The following NHEJ1 variants were observed in gnomAD, a reference collection of about 807,000 sequenced individuals.
The protein encoded by NHEJ1 is non-homologous end-joining factor 1.
NHEJ1 carries 22 observed loss-of-function variants against 39.4 expected under a neutral mutation model. The observed-to-expected ratio is 0.56, with a 90% CI of 0.40 to 0.80. The LOEUF is 0.80. NHEJ1 is among the 30% of genes least tolerant of loss of function. The probability of loss-of-function intolerance (pLI) is 0.00; values close to 1 mark genes in which losing one functional copy is unlikely to be tolerated. For synonymous variants in NHEJ1, 154 were observed against 135.6 expected, an observed-to-expected ratio of 1.14 and a Z score of -0.94; for missense variants, 329 against 357.1, an observed-to-expected ratio of 0.92 and a Z score of 0.63.
chr2:219,136,534 C>T (rs952172497), intron 5 of NHEJ1, among the ~76,000 whole-genome samples: 2 of 152,056 alleles, frequency 1.3e-5, no homozygotes, highest in African/African-American at 4.8e-5. Flanking sequence ...GGTGATCCAC[C>T]CACCTCAGCC....
At chr2:219,086,119 C>T (rs1310010479) in intron 5 of NHEJ1, among the ~76,000 whole-genome samples, 2 of 152,170 alleles carry the variant, frequency 1.3e-5, no homozygotes, top group South Asian at 2.1e-4. Flanking sequence ...AGGTACTAGG[C>T]TATGCATTTT....
chr2:219,085,067 A>G (rs113369025), intron 5 of NHEJ1, among the ~76,000 whole-genome samples: 104 of 152,204 alleles, frequency 6.8e-4, no homozygotes, highest in Non-Finnish European at 1.3e-3. Context: ...AGTAATATAC[A>G]CTCAATAAGG....
intron 3 of NHEJ1, among the ~76,000 whole-genome samples, chr2:219,148,045 G>T (rs1949759690): frequency 6.6e-6 from 1 of 152,228 alleles, no homozygotes; most frequent in African/African-American, 2.4e-5. Flanking sequence ...GGTCACTTGA[G>T]GTCAGGAGTT....
At chr2:219,150,543 G>A (rs922088614) in intron 3 of NHEJ1, among the ~76,000 whole-genome samples, 2 of 152,208 alleles carry the variant, frequency 1.3e-5, no homozygotes, top group Admixed American at 6.5e-5. Context: ...CTGCTGGGCG[G>A]GCATGGTGGC....
chr2:219,088,169 A>G (rs1474034918), intron 5 of NHEJ1, among the ~76,000 whole-genome samples: 2 of 152,260 alleles, frequency 1.3e-5, no homozygotes, highest in African/African-American at 4.8e-5. Context: ...GTTTGGCAGT[A>G]TCTATTAAAT....
chr2:219,153,111 T>A (rs1266501409), intron 3 of NHEJ1, among the ~76,000 whole-genome samples: 1 of 152,156 alleles, frequency 6.6e-6, no homozygotes, highest in African/African-American at 2.4e-5. Flanking sequence ...CCCCAGCATC[T>A]CTTTTAAAAC....
At chr2:219,107,920 C>T (rs950909956) in intron 5 of NHEJ1, among the ~76,000 whole-genome samples, 1 of 151,384 alleles carries the variant, frequency 6.6e-6, no homozygotes, top group Non-Finnish European at 1.5e-5. Context: ...ACCAGATGTA[C>T]AAATGGTTAA....
intron 5 of NHEJ1, among the ~76,000 whole-genome samples, chr2:219,120,380 T>C (rs1199592054): frequency 2.0e-5 from 3 of 152,108 alleles, no homozygotes; most frequent in Non-Finnish European, 4.4e-5. Flanking sequence ...AAAGAAAATG[T>C]AAGTGAATAG....
chr2:219,142,276 A>AC (rs943852570), intron 5 of NHEJ1, among the ~76,000 whole-genome samples: 6 of 152,112 alleles, frequency 3.9e-5, no homozygotes, highest in African/African-American at 1.4e-4. Flanking sequence ...CTGCTAAGGG[A>AC]CCCCTACCAA....
chr2:219,134,290 C>G (rs1286493551), intron 5 of NHEJ1, among the ~76,000 whole-genome samples: 3 of 152,206 alleles, frequency 2.0e-5, no homozygotes, highest in African/African-American at 4.8e-5. Context: ...AACGGGATGG[C>G]CTTAGGCAAA....
At position 219,078,112 on chromosome 2, in the gene NHEJ1, A is replaced by G. The variant is rs773506015; in HGVS notation, c.683T>C (p.Val228Ala). The G allele has an allele frequency of 6.2e-7, 1 of 1,614,132 alleles. No homozygotes were observed. The highest frequency in any genetic ancestry group is 8.5e-7 in the Non-Finnish European group (1 of 1,179,962). Reference sequence around the variant, plus strand: ...ACCAGCGCCTTGATGCTTCTGTCCCACTTGGACCTCTTGTGTGGTGACTGC... The same window carrying G: ...ACCAGCGCCTTGATGCTTCTGTCCCGCTTGGACCTCTTGTGTGGTGACTGC... ...YMAVTTQEVQ[V>A]GQKHQGAGDP... Residue 228 changes from valine to alanine, a missense_variant, in exon 6 of 8, where the codon GTG (valine) becomes GCG (alanine). Val to Ala is a moderately conservative substitution (Grantham distance 64). Coordinates refer to ENST00000356853, the MANE Select transcript of NHEJ1 (RefSeq NM_024782.3).
At chr2:219,154,057 A>T (rs1197603818) in intron 3 of NHEJ1, among the ~76,000 whole-genome samples, 2 of 152,262 alleles carry the variant, frequency 1.3e-5, no homozygotes, top group African/African-American at 4.8e-5. Flanking sequence ...TACTGACAGC[A>T]GATCAATTAA....
intron 3 of NHEJ1, 30 bp downstream of exon 3, chr2:219,157,442 C>T: frequency 6.3e-7 from 1 of 1,590,998 alleles, no homozygotes; most frequent in Non-Finnish European, 8.6e-7. Flanking sequence ...TGGCATCCCT[C>T]CCCCAACCCC....
intron 3 of NHEJ1, among the ~76,000 whole-genome samples, chr2:219,156,009 G>A (rs185776218): frequency 0.021 from 3,155 of 151,736 alleles, 41 homozygotes; most frequent in Middle Eastern, 0.044. Flanking sequence ...CAGCACTTTG[G>A]GAGGCCGAGG....
intron 5 of NHEJ1, among the ~76,000 whole-genome samples, chr2:219,138,817 T>G (rs979145348): frequency 2.6e-5 from 4 of 152,290 alleles, no homozygotes; most frequent in Middle Eastern, 3.4e-3. Flanking sequence ...CAGGGTAAAC[T>G]CTATTGGGAA....
Position 219,158,312 on chromosome 2 carries a change from C to T in NHEJ1, c.51G>A (p.Gln17=). The part of the protein sequence containing the change: ...GLLMQPWAWL[Q]LAENSLLAKV... ...TGGCCAAGAGGGAGTTCTCTGCAAG[C>T]TGTAGCCACGCCCATGGCTGCATCA... The change falls in exon 2 of 8, where the codon CAG becomes CAA. Residue 17 remains glutamine (Q), a synonymous_variant. Coordinates refer to ENST00000356853, the MANE Select transcript of NHEJ1 (RefSeq NM_024782.3). 2 of 1,614,234 alleles carry T rather than the reference C, an allele frequency of 1.2e-6. No homozygotes were observed. Among genetic ancestry groups the T allele is most frequent in the Non-Finnish European group, 1.7e-6 (2 of 1,180,042 alleles).
At chr2:219,159,516 T>TATATATATGCATATATATATGC (rs1183810494) in intron 1 of NHEJ1, among the ~76,000 whole-genome samples, 1 of 51,862 alleles carries the variant, frequency 1.9e-5, no homozygotes, top group African/African-American at 6.5e-5. Context: ...CATAACTTTA[T>TATATATATGCATATATATATGC]ATATATATGC....
At chr2:219,092,916 G>A (rs896662380) in intron 5 of NHEJ1, among the ~76,000 whole-genome samples, 1 of 152,184 alleles carries the variant, frequency 6.6e-6, no homozygotes, top group Non-Finnish European at 1.5e-5. Flanking sequence ...TCTGAAATTA[G>A]GTACCAAGAG....
At position 219,073,404 on chromosome 2, in the gene NHEJ1, C is replaced by A. The variant is rs959844528; in HGVS notation, c.*2977G>T. On this transcript the variant is annotated 3_prime_UTR_variant, in exon 8 of 8. Coordinates refer to ENST00000356853, the MANE Select transcript of NHEJ1 (RefSeq NM_024782.3). ...CCTAGTGATATCTTTTAGGACCCAG[C>A]CTGAGCTCTGCTTTTAAGGGTTGCT... 4.3e-4 allele frequency among the ~76,000 whole-genome samples: 66 copies of A among 152,290 alleles called. No homozygotes were observed. The highest frequency in any genetic ancestry group is 8.5e-4 in the Admixed American group (13 of 15,292).
Sources: gnomAD v4.1 joint callset for allele counts (sites outside exome capture counted in the v4.1 genomes callset) on GRCh38, gnomAD v4.1.1 for gene constraint, MANE v1.5 for transcripts, NCBI Gene and HGNC (gene_info 2026-07-23, HGNC 2026-07-21) for gene names.